KCNQ5: variants seen among roughly 807,000 people sequenced by gnomAD.
The protein encoded by KCNQ5 is potassium voltage-gated channel subfamily KQT member 5.
KCNQ5 carries 30 observed loss-of-function variants against 98.2 expected under a neutral mutation model. The observed-to-expected ratio is 0.31, with a 90% CI of 0.23 to 0.41. KCNQ5 has a LOEUF of 0.41. Ranked by LOEUF, KCNQ5 falls within the 10% of genes least tolerant of loss-of-function variation. KCNQ5 has a pLI of 1.00. For missense variants in KCNQ5, 835 were observed against 1,182.5 expected, an observed-to-expected ratio of 0.71 and a Z score of 4.31; for synonymous variants, 458 against 449.4, an observed-to-expected ratio of 1.02 and a Z score of -0.24.
intron 1 of KCNQ5, among the ~76,000 whole-genome samples, chr6:72,760,304 T>TA (rs1439413276): frequency 6.6e-6 from 1 of 152,116 alleles, no homozygotes; most frequent in African/African-American, 2.4e-5. Flanking sequence ...GTCTCCTGGG[T>TA]AAAGTTTTAA....
At chr6:73,029,010 G>A (rs1025987185) in intron 2 of KCNQ5, among the ~76,000 whole-genome samples, 1 of 152,176 alleles carries the variant, frequency 6.6e-6, no homozygotes, top group Non-Finnish European at 1.5e-5. Flanking sequence ...TCCTGCTGTG[G>A]ATAGAGGCCG....
chr6:72,855,726 T>A (rs1459436423), intron 1 of KCNQ5, among the ~76,000 whole-genome samples: 3 of 152,178 alleles, frequency 2.0e-5, no homozygotes, highest in Non-Finnish European at 4.4e-5. Flanking sequence ...AGAAGCATAT[T>A]ATGCTGTAGA....
intron 1 of KCNQ5, among the ~76,000 whole-genome samples, chr6:72,734,337 T>TTTGA (rs1770711499): frequency 6.6e-6 from 1 of 151,936 alleles, no homozygotes; most frequent in Non-Finnish European, 1.5e-5. Context: ...TGTTTGTTTG[T>TTTGA]TTGAGACGGA....
At chr6:72,704,417 T>G (rs1768972226) in intron 1 of KCNQ5, among the ~76,000 whole-genome samples, 1 of 152,116 alleles carries the variant, frequency 6.6e-6, no homozygotes, top group African/African-American at 2.4e-5. Context: ...TTTTTCCCAA[T>G]TTCTTGGAAA....
intron 3 of KCNQ5, among the ~76,000 whole-genome samples, chr6:73,065,203 A>G (rs146338828): frequency 6.4e-4 from 98 of 152,058 alleles, no homozygotes; most frequent in African/African-American, 2.3e-3. Flanking sequence ...AGTGCTCCTC[A>G]CCTATCCCCA....
chr6:73,157,209 T>C (rs1305723042), intron 10 of KCNQ5, among the ~76,000 whole-genome samples: 1 of 152,150 alleles, frequency 6.6e-6, no homozygotes, highest in African/African-American at 2.4e-5. Flanking sequence ...CAAAGTTGGG[T>C]GGGAGGTCAG....
chr6:72,695,650 A>C (rs977520320), intron 1 of KCNQ5, among the ~76,000 whole-genome samples: 5 of 152,096 alleles, frequency 3.3e-5, no homozygotes, highest in African/African-American at 1.2e-4. Flanking sequence ...CGTATATTGG[A>C]TTATAAATAT....
intron 1 of KCNQ5, among the ~76,000 whole-genome samples, chr6:72,884,190 C>T (rs1554181871): frequency 6.6e-6 from 1 of 152,112 alleles, no homozygotes; most frequent in Non-Finnish European, 1.5e-5. Flanking sequence ...ATGTTCTTGC[C>T]TGAAGATACT....
intron 3 of KCNQ5, among the ~76,000 whole-genome samples, chr6:73,075,308 C>T (rs918720271): frequency 6.6e-6 from 1 of 151,646 alleles, no homozygotes; most frequent in Non-Finnish European, 1.5e-5. Context: ...CTGCAACCTC[C>T]GCCTCCTGGG....
intron 3 of KCNQ5, among the ~76,000 whole-genome samples, chr6:73,050,300 A>AAGGAAGGAAGGG (rs775970147): frequency 1.5e-5 from 2 of 130,310 alleles, no homozygotes; most frequent in African/African-American, 5.9e-5. Flanking sequence ...GGAAGGAAGG[A>AAGGAAGGAAGGG]AGGAAGGAAG....
At chr6:72,855,920 A>G (rs1279457649) in intron 1 of KCNQ5, among the ~76,000 whole-genome samples, 1 of 152,232 alleles carries the variant, frequency 6.6e-6, no homozygotes, top group African/African-American at 2.4e-5. Context: ...GAAGTTGAAT[A>G]TGGGATCCTG....
chr6:72,803,985 T>C (rs1209730688), intron 1 of KCNQ5, among the ~76,000 whole-genome samples: 2 of 152,162 alleles, frequency 1.3e-5, no homozygotes, highest in Non-Finnish European at 1.5e-5. Context: ...TATATAAATA[T>C]AGATTGATAT....
At chr6:72,723,153 G>A (rs1233317526) in intron 1 of KCNQ5, among the ~76,000 whole-genome samples, 1 of 152,106 alleles carries the variant, frequency 6.6e-6, no homozygotes, top group Non-Finnish European at 1.5e-5. Flanking sequence ...ACCACGCCCA[G>A]CCTGATTTTG....
At chr6:72,740,519 T>C (rs1279566221) in intron 1 of KCNQ5, among the ~76,000 whole-genome samples, 1 of 152,098 alleles carries the variant, frequency 6.6e-6, no homozygotes, top group Middle Eastern at 3.2e-3. Context: ...AATGAGATTC[T>C]CAAAGAAAGA....
chr6:73,192,612 G>T lies in KCNQ5; in HGVS notation c.1757G>T (p.Ser586Ile), dbSNP rs774521029. The T allele has an allele frequency of 3.1e-6, 5 of 1,612,136 alleles. No homozygotes were observed. The highest frequency in any genetic ancestry group is 4.2e-6 in the Non-Finnish European group (5 of 1,179,086). Residue 586 changes from serine (S) to isoleucine (I), a missense_variant, in exon 13 of 14, where the codon AGC becomes ATC. Transcript: ENST00000370398. ...GKGQITSDKK[S>I]REKITAEHET... ...GGGCAAATCACATCAGATAAGAAGA[G>T]CCGAGAGAAAATAACAGCAGAACAT... is the stretch of plus-strand genomic sequence containing the variant.
At chr6:72,965,833 C>T (rs1414236504) in intron 1 of KCNQ5, among the ~76,000 whole-genome samples, 2 of 152,168 alleles carry the variant, frequency 1.3e-5, no homozygotes, top group Non-Finnish European at 2.9e-5. Flanking sequence ...GAATGGCCCA[C>T]TTTGTCTATG....
At chr6:73,112,567 C>A (rs1339058185) in intron 7 of KCNQ5, among the ~76,000 whole-genome samples, 1 of 152,044 alleles carries the variant, frequency 6.6e-6, no homozygotes, top group Non-Finnish European at 1.5e-5. Flanking sequence ...GGATGGTCTC[C>A]ATCTCTCAAC....
intron 1 of KCNQ5, among the ~76,000 whole-genome samples, chr6:72,800,505 T>G: frequency 6.6e-6 from 1 of 152,196 alleles, no homozygotes; most frequent in African/African-American, 2.4e-5. Context: ...ATCTATTTGA[T>G]TCTTCTCTCT....
At chr6:73,119,802 C>T (rs1399946307) in intron 7 of KCNQ5, among the ~76,000 whole-genome samples, 1 of 152,110 alleles carries the variant, frequency 6.6e-6, no homozygotes, top group Non-Finnish European at 1.5e-5. Context: ...AGTCGCTCAC[C>T]TAACTACTAT....
Sources: gnomAD v4.1 joint callset for allele counts (sites outside exome capture counted in the v4.1 genomes callset) on GRCh38, gnomAD v4.1.1 for gene constraint, MANE v1.5 for transcripts, NCBI Gene and HGNC (gene_info 2026-07-23, HGNC 2026-07-21) for gene names.